ADGRA3: variants seen among roughly 807,000 people sequenced by gnomAD.
ADGRA3 encodes the protein adhesion G protein-coupled receptor A3, also known as G-protein coupled receptor 125.
ADGRA3 carries 56 observed loss-of-function variants against 119.8 expected under a neutral mutation model. The ratio of observed to expected loss-of-function variants is 0.47; its 90% CI spans 0.38 to 0.58. The LOEUF is 0.58. Ranked by LOEUF, ADGRA3 falls within the 20% of genes least tolerant of loss-of-function variation. The probability of loss-of-function intolerance (pLI) is 0.00; values close to 1 mark genes in which losing one functional copy is unlikely to be tolerated. For missense variants in ADGRA3, 1,516 were observed against 1,649.0 expected, an observed-to-expected ratio of 0.92 and a Z score of 1.40; for synonymous variants, 607 against 623.8, an observed-to-expected ratio of 0.97 and a Z score of 0.40.
chr4:22,390,361 ATACGTATTATATATATAT>A (rs1431442665), intron 17 of ADGRA3, among the ~76,000 whole-genome samples: 5,019 of 17,972 alleles, frequency 0.28, 133 homozygotes, highest in East Asian at 0.48. Context: ...TATATATATA[ATACGTATTATATATATAT>A]AATACGTATT....
At chr4:22,470,040 A>G (rs1007571487) in intron 2 of ADGRA3, among the ~76,000 whole-genome samples, 1 of 152,164 alleles carries the variant, frequency 6.6e-6, no homozygotes, top group African/African-American at 2.4e-5. Context: ...GCGCACCTTA[A>G]ATGTTTGTTG....
chr4:22,498,475 G>A (rs1183835645), intron 1 of ADGRA3, among the ~76,000 whole-genome samples: 1 of 150,364 alleles, frequency 6.7e-6, no homozygotes, highest in Non-Finnish European at 1.5e-5. Flanking sequence ...AAAATTAGCA[G>A]GGCATGGTGG....
chr4:22,455,886 T>C, intron 3 of ADGRA3: 2 of 1,107,026 alleles, frequency 1.8e-6, no homozygotes, highest in Non-Finnish European at 2.4e-6. Flanking sequence ...CAATGAATCT[T>C]AAGTTTTATT....
At chr4:22,438,462 G>C (rs374058696) in intron 7 of ADGRA3, 42 bp from the exon 8 acceptor site, 40 of 1,509,728 alleles carry the variant, frequency 2.6e-5, no homozygotes, top group Middle Eastern at 1.9e-4. Context: ...AATATAATTA[G>C]GCAAAAAAGG....
chr4:22,495,994 T>C lies in ADGRA3; in HGVS notation c.257+19534A>G, dbSNP rs563694588. ...TCATTCTGCAACACTAATAATATAA[T>C]TGATTTAGGCAATGATACCAACAGC... On this transcript the variant is annotated intron_variant, in intron 1 of 18. Coordinates refer to ENST00000334304, the MANE Select transcript of ADGRA3 (RefSeq NM_145290.4). Among the ~76,000 whole-genome samples the C allele has an allele frequency of 1.3e-4, 20 of 152,182 alleles. No individual in the cohort carries two copies. The South Asian group carries it at 3.9e-3, about 30-fold the overall frequency.
Position 22,435,482 on chromosome 4 carries a change from A to C in ADGRA3, c.1288-16T>G, listed in dbSNP as rs1453258937. 7.6e-6 allele frequency: 12 copies of C among 1,570,032 alleles called. No individual in the cohort carries two copies. Among genetic ancestry groups the C allele is most frequent in the Non-Finnish European group, 1.0e-5 (12 of 1,147,510 alleles). ...TGAGGGGCATCTACATTTCAAAGGC[A>C]AAAATGATCAACAAAACAGTCATTA... On this transcript the variant is annotated splice_polypyrimidine_tract_variant and intron_variant, in intron 9 of 18. Coordinates refer to ENST00000334304, the MANE Select transcript of ADGRA3 (RefSeq NM_145290.4).
chr4:22,404,077 C>T (rs1398406055), intron 14 of ADGRA3, among the ~76,000 whole-genome samples: 1 of 152,162 alleles, frequency 6.6e-6, no homozygotes, highest in Non-Finnish European at 1.5e-5. Context: ...CCCTGGCCAC[C>T]ATGCCAGATA....
Position 22,513,860 on chromosome 4 carries a change from A to AAC in ADGRA3, c.257+1667_257+1668insGT, listed in dbSNP as rs545140755. On this transcript the variant is annotated intron_variant, in intron 1 of 18. Coordinates refer to ENST00000334304, the MANE Select transcript of ADGRA3 (RefSeq NM_145290.4). ...AGCTTTCAGGCAAAAAAAAAAAAAAAAAAAAAAAAAAAAACTGGATTGAAA... is the reference window on the plus strand; with the variant it reads ...AGCTTTCAGGCAAAAAAAAAAAAAAAACAAAAAAAAAAAAAACTGGATTGAAA... 7.8e-5 allele frequency among the ~76,000 whole-genome samples: 11 copies of AAC among 141,652 alleles called. 1 individual carries two copies. In the South Asian group the frequency reaches 2.4e-3, roughly 31 times the overall value. The allele number at this position is 141,652 out of a possible 152,430, so 92.9% of individuals were successfully genotyped here. A position where few individuals can be genotyped will look rare whatever the true frequency, so the allele number is the denominator to read the frequency against.
At chr4:22,438,650 A>G (rs1041340777) in intron 7 of ADGRA3, among the ~76,000 whole-genome samples, 2 of 152,200 alleles carry the variant, frequency 1.3e-5, no homozygotes, top group African/African-American at 4.8e-5. Context: ...TAAGAGACAT[A>G]TGAATCAAAT....
intron 1 of ADGRA3, among the ~76,000 whole-genome samples, chr4:22,475,737 AT>A (rs778881909): frequency 1.1e-4 from 17 of 151,066 alleles, no homozygotes; most frequent in African/African-American, 3.4e-4. Flanking sequence ...GGAAAAAAAA[AT>A]AAATAAATAA....
At chr4:22,477,788 T>C (rs1191019707) in intron 1 of ADGRA3, 1 of 152,240 alleles carries the variant, frequency 6.6e-6, no homozygotes, top group Non-Finnish European at 1.5e-5. Flanking sequence ...AACCTCAAGT[T>C]AATGTATTCA....
At chr4:22,457,025 G>A (rs767466136) in intron 3 of ADGRA3, among the ~76,000 whole-genome samples, 5 of 152,014 alleles carry the variant, frequency 3.3e-5, no homozygotes, top group Non-Finnish European at 7.4e-5. Context: ...AGCATATCTA[G>A]GCTCTATTTA....
At chr4:22,487,506 A>G (rs1718471679) in intron 1 of ADGRA3, among the ~76,000 whole-genome samples, 2 of 152,284 alleles carry the variant, frequency 1.3e-5, no homozygotes, top group South Asian at 4.1e-4. Context: ...CCTGCTGTAC[A>G]GCCCCCATTC....
chr4:22,403,949 C>A (rs1417903403), intron 14 of ADGRA3, among the ~76,000 whole-genome samples: 1 of 152,104 alleles, frequency 6.6e-6, no homozygotes, highest in Non-Finnish European at 1.5e-5. Flanking sequence ...AGGAGCTTGG[C>A]TGCCAAGTCC....
rs572792888 is a variant in ADGRA3 at position 22,443,903 on chromosome 4, T to G, written c.707-1040A>C. Among the ~76,000 whole-genome samples the G allele has an allele frequency of 2.0e-5, 3 of 152,204 alleles. No homozygotes were observed. In the South Asian group the frequency reaches 6.2e-4, roughly 32 times the overall value. ...TATTTTACTTGTGATACAACAATAA[T>G]AATAAAGAGAAAAGGAAAAAAATAT... On this transcript the variant is annotated intron_variant, in intron 6 of 18. Coordinates refer to ENST00000334304, the MANE Select transcript of ADGRA3 (RefSeq NM_145290.4).
Position 22,435,518 on chromosome 4 carries a change from C to T in ADGRA3, c.1288-52G>A, listed in dbSNP as rs754241973. On this transcript the variant is annotated intron_variant, in intron 9 of 18. Coordinates refer to ENST00000334304, the MANE Select transcript of ADGRA3 (RefSeq NM_145290.4). Reference sequence around the variant, plus strand: ...ACAAAACAGTCATTAGCAAAATGATCAACACAATCCTGACATTTTAACTTT... The same window carrying T: ...ACAAAACAGTCATTAGCAAAATGATTAACACAATCCTGACATTTTAACTTT... 10 of 1,436,054 alleles carry T rather than the reference C, an allele frequency of 7.0e-6. No homozygotes were observed. In the African/African-American group the frequency reaches 8.5e-5, roughly 12 times the overall value. 89.0% of individuals were successfully genotyped at this position (1,436,054 alleles called of 1,614,324 possible).
chr4:22,492,919 A>G (rs1718682004), intron 1 of ADGRA3, among the ~76,000 whole-genome samples: 1 of 152,186 alleles, frequency 6.6e-6, no homozygotes, highest in Admixed American at 6.5e-5. Context: ...ACAAGATGAG[A>G]TTACACTGTA....
intron 4 of ADGRA3, among the ~76,000 whole-genome samples, chr4:22,452,842 A>G (rs565472410): frequency 6.6e-6 from 1 of 152,236 alleles, no homozygotes; most frequent in South Asian, 2.1e-4. Flanking sequence ...ATAGCTGTCC[A>G]AAAACATAAC....
chr4:22,489,759 A>T (rs1374036301), intron 1 of ADGRA3, among the ~76,000 whole-genome samples: 2 of 152,198 alleles, frequency 1.3e-5, no homozygotes, highest in Non-Finnish European at 2.9e-5. Flanking sequence ...GGGAGAGTTC[A>T]GTATATTCTG....
Sources: gnomAD v4.1 joint callset for allele counts (sites outside exome capture counted in the v4.1 genomes callset) on GRCh38, gnomAD v4.1.1 for gene constraint, MANE v1.5 for transcripts, NCBI Gene and HGNC (gene_info 2026-07-23, HGNC 2026-07-21) for gene names.